RPS6KA2: variants seen among roughly 807,000 people sequenced by gnomAD.
RPS6KA2 encodes the protein ribosomal protein S6 kinase A2, also known as ribosomal protein S6 kinase alpha-2.
RPS6KA2 carries 42 observed loss-of-function variants against 91.8 expected under a neutral mutation model. The ratio of observed to expected loss-of-function variants is 0.46; its 90% confidence interval spans 0.36 to 0.59. The LOEUF is 0.59. Among genes scored for constraint, RPS6KA2 ranks in the 20% least tolerant of loss-of-function variants. The pLI, the probability that RPS6KA2 is intolerant of heterozygous loss-of-function variation, is 0.00. For missense variants in RPS6KA2, 798 were observed against 978.5 expected (o/e 0.82, Z 2.46); for synonymous variants, 414 against 393.6 (o/e 1.05, Z -0.61).
rs1439113555 is a variant in RPS6KA2 at position 166,445,547 on chromosome 6, T to C, written c.1332+3177A>G. ...TCCCAGCTGGAAAAACCAGAAAGTC[T>C]CCAGACATTGCCAGTGTCCCCTGGG... On this transcript the variant is annotated intron_variant, in intron 14 of 20. Coordinates refer to ENST00000265678, the MANE Select transcript of RPS6KA2 (RefSeq NM_021135.6). This position sits in a 1 kb window ranked among gnomAD's most constrained non-coding sequence, Gnocchi z 4.5. 2.0e-5 allele frequency among the ~76,000 whole-genome samples: 3 copies of C among 152,102 alleles called. No homozygotes were observed. The East Asian group carries it at 5.8e-4, about 29-fold the overall frequency.
At chr6:166,661,783 G>A (rs1323716154) in intron 2 of RPS6KA2, among the ~76,000 whole-genome samples, 3 of 151,806 alleles carry the variant, frequency 2.0e-5, no homozygotes, top group East Asian at 1.9e-4. Flanking sequence ...TTCTGAAATC[G>A]GTTAAATATT....
intron 2 of RPS6KA2, among the ~76,000 whole-genome samples, chr6:166,832,720 T>C (rs1484895020): frequency 6.6e-6 from 1 of 152,212 alleles, no homozygotes; most frequent in Admixed American, 6.5e-5. Flanking sequence ...ACTTTTGATG[T>C]TCAATGTCAT....
chr6:166,798,314 G>A (rs1779276295), intron 2 of RPS6KA2, among the ~76,000 whole-genome samples: 1 of 152,204 alleles, frequency 6.6e-6, no homozygotes, highest in East Asian at 1.9e-4. Flanking sequence ...AGTTACAGCT[G>A]GCCTCAAAAG....
At chr6:166,834,828 CTATTATTTATTTATT>C (rs755899947) in intron 2 of RPS6KA2, among the ~76,000 whole-genome samples, 2 of 144,612 alleles carry the variant, frequency 1.4e-5, no homozygotes, top group South Asian at 2.3e-4. Flanking sequence ...GTATGGCGTC[CTATTATTTATTTATT>C]TATTTATTTA....
intron 2 of RPS6KA2, among the ~76,000 whole-genome samples, chr6:166,720,315 C>T (rs1257520160): frequency 6.6e-6 from 1 of 152,162 alleles, no homozygotes. Context: ...ATATTAATTA[C>T]ATTATTCATC....
intron 2 of RPS6KA2, among the ~76,000 whole-genome samples, chr6:166,754,905 G>A (rs1370040260): frequency 2.6e-5 from 4 of 152,298 alleles, no homozygotes; most frequent in Non-Finnish European, 5.9e-5. Context: ...TCGCTCACTC[G>A]TCACAGGGTG....
intron 2 of RPS6KA2, among the ~76,000 whole-genome samples, chr6:166,697,848 A>T (rs1789400535): frequency 6.6e-6 from 1 of 152,236 alleles, no homozygotes. Flanking sequence ...CTGGAACAGA[A>T]GGCATGTCTG....
intron 3 of RPS6KA2, among the ~76,000 whole-genome samples, chr6:166,525,534 G>C (rs1782995205): frequency 6.6e-6 from 1 of 152,118 alleles, no homozygotes; most frequent in South Asian, 2.1e-4. Context: ...AAATGGAGCC[G>C]TCGGAAGCCA....
At chr6:166,454,022 G>A (rs1178829867) in intron 12 of RPS6KA2, among the ~76,000 whole-genome samples, 1 of 152,204 alleles carries the variant, frequency 6.6e-6, no homozygotes, top group Non-Finnish European at 1.5e-5. Context: ...GCATGTGGAT[G>A]TCGAGTGTGG....
chr6:166,615,780 C>G (rs1562343505), intron 1 of RPS6KA2, among the ~76,000 whole-genome samples: 2 of 152,182 alleles, frequency 1.3e-5, no homozygotes. Flanking sequence ...AGCACACCCC[C>G]CCAGGATGGG....
chr6:166,475,985 C>T (rs1780958913), intron 10 of RPS6KA2: 3 of 370,246 alleles, frequency 8.1e-6, no homozygotes, highest in South Asian at 6.6e-5. Flanking sequence ...TATGCTGAAG[C>T]CCTAATCCCC....
At chr6:166,424,258 G>A (rs1420826037) in intron 16 of RPS6KA2, among the ~76,000 whole-genome samples, 2 of 152,166 alleles carry the variant, frequency 1.3e-5, no homozygotes, top group Non-Finnish European at 2.9e-5. Context: ...TTAAATACAA[G>A]CAGATCTGCA....
At chr6:166,531,337 C>T in intron 2 of RPS6KA2, 24 bp from the exon 3 acceptor site, 1 of 1,579,294 alleles carries the variant, frequency 6.3e-7, no homozygotes. Flanking sequence ...AACGGAACAT[C>T]AGAAACCCGT....
chr6:166,532,419 A>T (rs544342694), intron 2 of RPS6KA2, among the ~76,000 whole-genome samples: 212 of 152,332 alleles, frequency 1.4e-3, no homozygotes, highest in Non-Finnish European at 1.5e-3. Context: ...ACCAGCGTCT[A>T]TTCTAGAGGC....
In RPS6KA2 at chr6:166,770,852, A is replaced by G. The variant is rs1283683479; in HGVS notation, c.123+87348T>C. 1 of 1,585,192 alleles carries G rather than the reference A, an allele frequency of 6.3e-7. No individual in the cohort carries two copies. The highest frequency in any genetic ancestry group is 8.5e-7 in the Non-Finnish European group (1 of 1,176,476). On this transcript the variant is annotated intron_variant, in intron 2 of 21. Transcript: ENST00000503859. This position sits in a 1 kb window ranked among gnomAD's most constrained non-coding sequence, Gnocchi z 5.1. ...CATGGAAAAAAACAAACCCACAGGAACGCTTCTTACCTCTACGGATCCAGC... is the reference window on the plus strand; with the variant it reads ...CATGGAAAAAAACAAACCCACAGGAGCGCTTCTTACCTCTACGGATCCAGC...
rs1233658832 is a variant in RPS6KA2, at chr6:166,705,204, T to A, written c.123+152996A>T. ...GGATTTCCTAACTCCACAGATGGTA[T>A]CCGTCCAATTGTGCAAGCCAAGAGC... is the stretch of plus-strand genomic sequence containing the variant. On this transcript the variant is annotated intron_variant, in intron 2 of 21. Transcript: ENST00000503859. 2.6e-5 allele frequency among the ~76,000 whole-genome samples: 4 copies of A among 152,364 alleles called. No individual in the cohort carries two copies. The East Asian group carries it at 7.7e-4, about 29-fold the overall frequency.
At chr6:166,559,780 T>G (rs535334825) in intron 1 of RPS6KA2, among the ~76,000 whole-genome samples, 1 of 152,298 alleles carries the variant, frequency 6.6e-6, no homozygotes, top group South Asian at 2.1e-4. Flanking sequence ...ATATATTAGA[T>G]GTACAGAAAA....
intron 2 of RPS6KA2, among the ~76,000 whole-genome samples, chr6:166,661,323 C>G (rs966490176): frequency 3.3e-5 from 5 of 152,192 alleles, no homozygotes; most frequent in Admixed American, 3.3e-4. Flanking sequence ...TGGTCTCAAA[C>G]TCCTAAACTC....
intron 1 of RPS6KA2, among the ~76,000 whole-genome samples, chr6:166,609,282 A>C (rs184199261): frequency 1.3e-3 from 200 of 152,258 alleles, no homozygotes; most frequent in Admixed American, 2.9e-3. Context: ...TGTTTAAAAA[A>C]CTGGGTTCCG....
Sources: gnomAD v4.1 joint callset for allele counts (sites outside exome capture counted in the v4.1 genomes callset) on GRCh38, gnomAD v4.1.1 for gene constraint, Gnocchi (gnomAD v3.1) non-coding constraint, MANE v1.5 for transcripts, NCBI Gene and HGNC (gene_info 2026-07-23, HGNC 2026-07-21) for gene names.